Variants in DNER observed in about 807,000 individuals in gnomAD.
DNER encodes the protein delta/notch like EGF repeat containing.
Under a neutral mutation model 78.2 loss-of-function variants are expected in DNER, and 33 were observed. The ratio of observed to expected loss-of-function variants is 0.42; its 90% CI spans 0.32 to 0.56. DNER has a LOEUF of 0.56. DNER is among the 20% of genes least tolerant of loss of function. The pLI is 0.11. For synonymous variants in DNER, 417 were observed against 384.8 expected (o/e 1.08, Z -0.98); for missense variants, 918 against 975.3 (o/e 0.94, Z 0.78).
chr2:229,697,114 A>C (rs1699674131), intron 1 of DNER, among the ~76,000 whole-genome samples: 1 of 152,266 alleles, frequency 6.6e-6, no homozygotes, highest in Admixed American at 6.5e-5. Context: ...TCAACAGATG[A>C]CTGGATAAAC....
chr2:229,692,573 T>C (rs893556667), intron 1 of DNER, among the ~76,000 whole-genome samples: 2 of 152,236 alleles, frequency 1.3e-5, no homozygotes, highest in Admixed American at 1.3e-4. Context: ...AAAACTGTAC[T>C]TTTAATGAGC....
chr2:229,458,271 G>T (rs557062721), intron 7 of DNER, among the ~76,000 whole-genome samples: 1 of 151,038 alleles, frequency 6.6e-6, no homozygotes, highest in African/African-American at 2.4e-5. Context: ...AACATTATCT[G>T]ACATAAAAAG....
At chr2:229,501,336 A>T (rs1469292665) in intron 6 of DNER, among the ~76,000 whole-genome samples, 1 of 151,610 alleles carries the variant, frequency 6.6e-6, no homozygotes, top group African/African-American at 2.4e-5. Flanking sequence ...GTTAGGTTAA[A>T]AAAAAAAAGA....
intron 1 of DNER, among the ~76,000 whole-genome samples, chr2:229,667,635 G>C (rs77731205): frequency 0.048 from 7,340 of 152,042 alleles, 398 homozygotes; most frequent in African/African-American, 0.11. Context: ...ATAAATGACA[G>C]CCATTTGGGA....
intron 10 of DNER, among the ~76,000 whole-genome samples, chr2:229,399,172 T>C (rs1160139855): frequency 7.0e-6 from 1 of 143,496 alleles, no homozygotes; most frequent in Non-Finnish European, 1.5e-5. Flanking sequence ...CCAAGAAATC[T>C]ACAAAAAAAA....
At chr2:229,366,089 T>C (rs1692340899) in intron 12 of DNER, among the ~76,000 whole-genome samples, 1 of 152,224 alleles carries the variant, frequency 6.6e-6, no homozygotes, top group Non-Finnish European at 1.5e-5. Flanking sequence ...ACCTAGGTGA[T>C]GGGTTGATCT....
At chr2:229,577,057 T>C (rs74999167) in intron 4 of DNER, among the ~76,000 whole-genome samples, 2,222 of 152,260 alleles carry the variant, frequency 0.015, 52 homozygotes, top group African/African-American at 0.05. Context: ...AAGCTGGGAC[T>C]GTGGGCAGTG....
intron 10 of DNER, among the ~76,000 whole-genome samples, chr2:229,395,801 G>A (rs778547785): frequency 6.6e-6 from 1 of 152,186 alleles, no homozygotes; most frequent in Non-Finnish European, 1.5e-5. Context: ...GGGAGGCTGA[G>A]GCAGGAGAAT....
intron 1 of DNER, among the ~76,000 whole-genome samples, chr2:229,650,989 T>TC (rs1574943575): frequency 6.6e-6 from 1 of 152,180 alleles, no homozygotes; most frequent in East Asian, 1.9e-4. Flanking sequence ...GCACCAACAT[T>TC]TCTCTTTGGG....
chr2:229,605,448 T>A (rs1697916038), intron 1 of DNER, among the ~76,000 whole-genome samples: 1 of 152,190 alleles, frequency 6.6e-6, no homozygotes, highest in Non-Finnish European at 1.5e-5. Context: ...ATCATTCAAA[T>A]TATCTCTTTT....
chr2:229,582,727 C>G (rs1697426130), intron 4 of DNER, among the ~76,000 whole-genome samples: 1 of 152,100 alleles, frequency 6.6e-6, no homozygotes, highest in African/African-American at 2.4e-5. Flanking sequence ...GCAAGCTCCG[C>G]CTCCCGGGTT....
chr2:229,552,213 G>A (rs2154213370), intron 4 of DNER, among the ~76,000 whole-genome samples: 1 of 152,298 alleles, frequency 6.6e-6, no homozygotes, highest in South Asian at 2.1e-4. Context: ...CACTCTGGAA[G>A]CCCAGTGAAC....
At chr2:229,641,127 T>C (rs1698614883) in intron 1 of DNER, among the ~76,000 whole-genome samples, 1 of 152,124 alleles carries the variant, frequency 6.6e-6, no homozygotes, top group South Asian at 2.1e-4. Flanking sequence ...GGATGCATGG[T>C]AATGGTATGG....
intron 1 of DNER, among the ~76,000 whole-genome samples, chr2:229,630,960 G>A (rs1698424724): frequency 7.1e-6 from 1 of 140,472 alleles, no homozygotes; most frequent in Admixed American, 7.5e-5. Flanking sequence ...TGCTGGAAAG[G>A]ACATGATTTC....
chr2:229,369,775 T>G (rs895953106), intron 11 of DNER, among the ~76,000 whole-genome samples: 1 of 152,136 alleles, frequency 6.6e-6, no homozygotes, highest in African/African-American at 2.4e-5. Flanking sequence ...TGCACCCAAA[T>G]GAAACTATCT....
Position 229,367,056 on chromosome 2 carries a change from T to G in DNER, c.1919A>C (p.Tyr640Ser). 6.2e-7 allele frequency: 1 copy of G among 1,614,108 alleles called. No individual in the cohort carries two copies. The highest frequency in any genetic ancestry group is 8.5e-7 in the Non-Finnish European group (1 of 1,180,002). The change falls in exon 12 of 13, where the codon TAC (tyrosine) becomes TCC (serine). Residue 640 changes from tyrosine (Y) to serine (S), a missense_variant. Coordinates refer to ENST00000341772, the MANE Select transcript of DNER (RefSeq NM_139072.4). ...CACGCAGAGGGCTCCAATGATGATG[T>G]AGAGGGAGTGCCGTGGCATGTTGGT... ...SLTNMPRHSL[Y>S]IIIGALCVAF... is the part of the protein sequence containing the mutation.
Position 229,447,342 on chromosome 2 carries a change from G to A in DNER, c.1460C>T (p.Thr487Ile). The change falls in exon 8 of 13, where the codon ACC becomes ATC. Residue 487 changes from threonine (T) to isoleucine (I), a missense_variant. Physicochemically the swap from Thr to Ile is moderately conservative, Grantham distance 89. Transcript: ENST00000341772. ...CAHGTCRSVG[T>I]SYKCLCDPGY... ...TGGATCACAGAGGCATTTGTAGCTG[G>A]TGCCCACGCTGCGGCACGTGCCATG... 3 of 1,607,086 alleles carry A rather than the reference G, an allele frequency of 1.9e-6. No individual in the cohort carries two copies. Among genetic ancestry groups the A allele is most frequent in the Non-Finnish European group, 2.5e-6 (3 of 1,176,814 alleles).
intron 4 of DNER, among the ~76,000 whole-genome samples, chr2:229,573,144 A>G (rs765502434): frequency 2.6e-5 from 4 of 152,168 alleles, no homozygotes; most frequent in Admixed American, 6.5e-5. Context: ...AGCATTTGTC[A>G]TGTATTTATT....
chr2:229,649,937 T>C (rs1291583768), intron 1 of DNER, among the ~76,000 whole-genome samples: 1 of 151,498 alleles, frequency 6.6e-6, no homozygotes, highest in Non-Finnish European at 1.5e-5. Context: ...TAGCCGGGCG[T>C]GGTGGCAGCC....
Sources: gnomAD v4.1 joint callset for allele counts (sites outside exome capture counted in the v4.1 genomes callset) on GRCh38, gnomAD v4.1.1 for gene constraint, MANE v1.5 for transcripts, NCBI Gene and HGNC (gene_info 2026-07-23, HGNC 2026-07-21) for gene names.